Variants in EYA4 observed in about 807,000 individuals in gnomAD.
EYA4 encodes protein phosphatase EYA4.
EYA4 carries 31 observed loss-of-function variants against 87.9 expected under a neutral mutation model. The ratio of observed to expected loss-of-function variants is 0.35; its 90% confidence interval spans 0.27 to 0.48. The LOEUF is 0.48. EYA4 is among the 20% of genes least tolerant of loss of function. EYA4 has a pLI of 0.99. For synonymous variants in EYA4, 263 were observed against 270.6 expected, an observed-to-expected ratio of 0.97 and a Z score of 0.28; for missense variants, 678 against 761.4, an observed-to-expected ratio of 0.89 and a Z score of 1.29.
intron 13 of EYA4, among the ~76,000 whole-genome samples, chr6:133,496,864 A>G (rs545549534): frequency 1.1e-4 from 16 of 152,310 alleles, no homozygotes; most frequent in African/African-American, 2.9e-4. Context: ...TGCAAGGTCA[A>G]TGTTTACTCC....
intron 13 of EYA4, among the ~76,000 whole-genome samples, chr6:133,505,842 T>C (rs146107687): frequency 7.1e-4 from 108 of 152,272 alleles, no homozygotes; most frequent in Middle Eastern, 3.4e-3. Context: ...CCTTCCTCCT[T>C]CTCTCCTCAA....
At chr6:133,492,720 C>T (rs1421980734) in intron 13 of EYA4, among the ~76,000 whole-genome samples, 1 of 151,964 alleles carries the variant, frequency 6.6e-6, no homozygotes, top group Admixed American at 6.6e-5. Flanking sequence ...AAGATTCCAT[C>T]AAAAAACTAT....
intron 3 of EYA4, among the ~76,000 whole-genome samples, chr6:133,401,774 A>G (rs1788285587): frequency 6.6e-6 from 1 of 152,206 alleles, no homozygotes. Context: ...CAGCCTTTGT[A>G]CAAATAACTC....
intron 3 of EYA4, among the ~76,000 whole-genome samples, chr6:133,424,486 G>A (rs1790477816): frequency 6.8e-6 from 1 of 147,078 alleles, no homozygotes; most frequent in Non-Finnish European, 1.5e-5. Context: ...GGAGCAGAGA[G>A]AGGCCAGGCA....
chr6:133,410,782 C>A (rs913420649), intron 3 of EYA4, among the ~76,000 whole-genome samples: 1 of 151,746 alleles, frequency 6.6e-6, no homozygotes, highest in African/African-American at 2.4e-5. Context: ...GGTTCCCTAG[C>A]GGGCCTGTTA....
chr6:133,516,651 G>A (rs1799623710), intron 17 of EYA4, among the ~76,000 whole-genome samples: 1 of 151,666 alleles, frequency 6.6e-6, no homozygotes, highest in Admixed American at 6.6e-5. Context: ...TTGAACCTGG[G>A]AGGCGGAGGT....
At chr6:133,490,279 A>G (rs146003718) in intron 13 of EYA4, among the ~76,000 whole-genome samples, 99 of 152,292 alleles carry the variant, frequency 6.5e-4, no homozygotes, top group African/African-American at 2.3e-3. Context: ...CAACCAGCAA[A>G]CAAATAACAA....
At chr6:133,301,551 G>A (rs905955933) in intron 2 of EYA4, among the ~76,000 whole-genome samples, 1 of 152,196 alleles carries the variant, frequency 6.6e-6, no homozygotes, top group Non-Finnish European at 1.5e-5. Flanking sequence ...AGGAATTACT[G>A]CACATTAAGC....
At chr6:133,273,537 T>C (rs1289690319) in intron 1 of EYA4, among the ~76,000 whole-genome samples, 1 of 152,200 alleles carries the variant, frequency 6.6e-6, no homozygotes, top group African/African-American at 2.4e-5. Context: ...AATACTCTTT[T>C]CCATTTAAAT....
At chr6:133,292,731 AT>A (rs1301896994) in intron 2 of EYA4, among the ~76,000 whole-genome samples, 1 of 152,190 alleles carries the variant, frequency 6.6e-6, no homozygotes, top group Non-Finnish European at 1.5e-5. Context: ...TTTAAACAAT[AT>A]TTTTGTCTCA....
chr6:133,251,752 G>A (rs1774920979), intron 1 of EYA4, among the ~76,000 whole-genome samples: 1 of 152,096 alleles, frequency 6.6e-6, no homozygotes, highest in Non-Finnish European at 1.5e-5. Context: ...ACATTGTCAG[G>A]TGATCTCTGG....
intron 2 of EYA4, among the ~76,000 whole-genome samples, chr6:133,358,508 T>C (rs1277609069): frequency 6.6e-6 from 1 of 152,220 alleles, no homozygotes; most frequent in Non-Finnish European, 1.5e-5. Context: ...GTAGTTGGGA[T>C]TTTCAGATAT....
chr6:133,530,680 A>T lies in EYA4; in HGVS notation c.*1875A>T, dbSNP rs1177272691. ...TATTTCTTTACTGAATGCTAAGGCC[A>T]TGTTTATATTGGGTAGAAAGATATT... On this transcript the variant is annotated 3_prime_UTR_variant, in exon 20 of 20. Transcript: ENST00000355286. 3 of 985,594 alleles carry T rather than the reference A, an allele frequency of 3.0e-6. No homozygotes were observed. Among genetic ancestry groups the T allele is most frequent in the Non-Finnish European group, 3.6e-6 (3 of 829,780 alleles). The allele number at this position is 985,594 out of a possible 1,614,324, so 61.1% of individuals were successfully genotyped here. A position where few individuals can be genotyped will look rare whatever the true frequency, so the allele number is the denominator to read the frequency against.
In EYA4 at chr6:133,397,308, C is replaced by A. The variant is rs116037271; in HGVS notation, c.83+14867C>A. On this transcript the variant is annotated intron_variant, in intron 3 of 19. Transcript: ENST00000355286. ...TAAGCTCCAGATCCTGAATTCAAAGCCTTTTCCTGACACTGGAAGAAGAGC... is the reference window on the plus strand; with the variant it reads ...TAAGCTCCAGATCCTGAATTCAAAGACTTTTCCTGACACTGGAAGAAGAGC... Among the ~76,000 whole-genome samples the A allele has an allele frequency of 8.7e-4, 132 of 152,310 alleles. 2 individuals carry two copies. The highest frequency in any genetic ancestry group is 3.4e-3 in the Middle Eastern group (1 of 294).
At chr6:133,369,344 T>C (rs1320143149) in intron 2 of EYA4, among the ~76,000 whole-genome samples, 1 of 152,142 alleles carries the variant, frequency 6.6e-6, no homozygotes, top group Non-Finnish European at 1.5e-5. Context: ...TTTCATTTCA[T>C]TAGAAATTAA....
At chr6:133,389,802 C>A (rs1472123835) in intron 3 of EYA4, among the ~76,000 whole-genome samples, 1 of 152,112 alleles carries the variant, frequency 6.6e-6, no homozygotes, top group Non-Finnish European at 1.5e-5. Context: ...CAGCTATAGC[C>A]CCCCCAATTT....
At chr6:133,497,504 A>G (rs754216483) in intron 13 of EYA4, among the ~76,000 whole-genome samples, 21 of 152,086 alleles carry the variant, frequency 1.4e-4, no homozygotes, top group Middle Eastern at 3.2e-3. Flanking sequence ...GAACCTTGCT[A>G]TCTGAGCCCT....
At chr6:133,518,426 G>A (rs918701891) in intron 17 of EYA4, among the ~76,000 whole-genome samples, 5 of 152,176 alleles carry the variant, frequency 3.3e-5, no homozygotes, top group African/African-American at 9.6e-5. Flanking sequence ...TACAATTGCA[G>A]TTTTGCCATT....
intron 11 of EYA4, 112 bp from the exon 12 acceptor site, chr6:133,481,351 G>T: frequency 2.0e-6 from 2 of 1,018,364 alleles, no homozygotes; most frequent in Non-Finnish European, 1.5e-6. Flanking sequence ...TCTCTTTTTT[G>T]CCATCAGGAG....
Sources: allele counts gnomAD v4.1 joint callset (sites outside exome capture counted in the v4.1 genomes callset), GRCh38; gene constraint gnomAD v4.1.1; transcripts MANE v1.5; gene names NCBI Gene and HGNC (gene_info 2026-07-23, HGNC 2026-07-21).